Variants in KLHL1 observed in about 807,000 individuals in gnomAD.
KLHL1 encodes the protein kelch-like protein 1.
In KLHL1, 47 loss-of-function variants were observed where a neutral mutation model predicts 77.7. The ratio of observed to expected loss-of-function variants is 0.60; its 90% CI spans 0.48 to 0.77. The LOEUF (loss-of-function observed/expected upper bound fraction) is 0.77, where lower values mean the gene tolerates loss of function less well. KLHL1 is among the 30% of genes least tolerant of loss of function. The probability of loss-of-function intolerance (pLI) is 0.00; values close to 1 mark genes in which losing one functional copy is unlikely to be tolerated. For missense variants in KLHL1, 925 were observed against 910.8 expected (o/e 1.02, Z -0.20); for synonymous variants, 360 against 325.2 (o/e 1.11, Z -1.15).
intron 1 of KLHL1, among the ~76,000 whole-genome samples, chr13:70,031,477 G>C (rs1886098666): frequency 6.6e-6 from 1 of 152,190 alleles, no homozygotes; most frequent in African/African-American, 2.4e-5. Flanking sequence ...GTTAACTCAT[G>C]CTATGAAGTA....
At chr13:69,725,019 TG>T (rs1873233840) in intron 8 of KLHL1, among the ~76,000 whole-genome samples, 1 of 152,148 alleles carries the variant, frequency 6.6e-6, no homozygotes, top group Non-Finnish European at 1.5e-5. Context: ...GTGGTGGGTT[TG>T]TTTCACATCC....
intron 1 of KLHL1, among the ~76,000 whole-genome samples, chr13:70,013,487 T>G (rs993219505): frequency 6.6e-6 from 1 of 152,194 alleles, no homozygotes; most frequent in Admixed American, 6.5e-5. Context: ...AGTGTAACAG[T>G]AGGTTGTTTC....
intron 4 of KLHL1, among the ~76,000 whole-genome samples, chr13:69,921,721 G>A (rs1882644709): frequency 6.6e-6 from 1 of 151,870 alleles, no homozygotes; most frequent in Non-Finnish European, 1.5e-5. Flanking sequence ...TCAAATTTTA[G>A]TTGAGGCAGA....
intron 1 of KLHL1, among the ~76,000 whole-genome samples, chr13:70,025,914 A>G (rs1395757427): frequency 2.0e-5 from 3 of 152,114 alleles, no homozygotes; most frequent in Non-Finnish European, 2.9e-5. Flanking sequence ...GCTAGAGCTA[A>G]TAAAGCAGCA....
chr13:69,863,165 T>C (rs1174520830), intron 5 of KLHL1, among the ~76,000 whole-genome samples: 3 of 152,156 alleles, frequency 2.0e-5, no homozygotes, highest in East Asian at 3.9e-4. Flanking sequence ...TGTAGTTGTA[T>C]TGGCATTTTG....
chr13:69,831,697 C>T (rs1330241872), intron 6 of KLHL1, among the ~76,000 whole-genome samples: 1 of 149,978 alleles, frequency 6.7e-6, no homozygotes, highest in African/African-American at 2.5e-5. Context: ...CAAAAATCCT[C>T]CGCAAAATAC....
At chr13:69,749,223 T>C (rs1487053039) in intron 7 of KLHL1, among the ~76,000 whole-genome samples, 1 of 152,000 alleles carries the variant, frequency 6.6e-6, no homozygotes, top group Non-Finnish European at 1.5e-5. Flanking sequence ...ACTAAAAATA[T>C]CTTTATAGAT....
chr13:69,768,800 T>C (rs1875432473), intron 7 of KLHL1, among the ~76,000 whole-genome samples: 1 of 152,188 alleles, frequency 6.6e-6, no homozygotes, highest in African/African-American at 2.4e-5. Context: ...TTCTAGATCC[T>C]ACTCACTAAA....
intron 1 of KLHL1, among the ~76,000 whole-genome samples, chr13:70,016,257 G>A (rs1032775894): frequency 4.6e-5 from 7 of 152,230 alleles, no homozygotes; most frequent in African/African-American, 1.7e-4. Flanking sequence ...AGTGAGGGCT[G>A]TGTGCTCCAG....
intron 5 of KLHL1, among the ~76,000 whole-genome samples, chr13:69,874,309 A>T (rs1880687168): frequency 6.6e-6 from 1 of 151,576 alleles, no homozygotes; most frequent in Non-Finnish European, 1.5e-5. Flanking sequence ...CTCTATACTC[A>T]CTATTTTGGT....
chr13:69,981,366 G>A, intron 1 of KLHL1, among the ~76,000 whole-genome samples: 1 of 151,958 alleles, frequency 6.6e-6, no homozygotes, highest in Non-Finnish European at 1.5e-5. Flanking sequence ...AACGAAAACG[G>A]CAAAATAAAT....
At chr13:69,914,308 T>C (rs1262105264) in intron 4 of KLHL1, among the ~76,000 whole-genome samples, 2 of 152,190 alleles carry the variant, frequency 1.3e-5, no homozygotes, top group Non-Finnish European at 2.9e-5. Context: ...TACTCAACAA[T>C]AAAATTTCTA....
chr13:69,914,380 C>T (rs899114770), intron 4 of KLHL1, among the ~76,000 whole-genome samples: 5 of 152,000 alleles, frequency 3.3e-5, no homozygotes, highest in African/African-American at 1.2e-4. Context: ...TTCCATGGAT[C>T]CATTTGTCTC....
intron 1 of KLHL1, among the ~76,000 whole-genome samples, chr13:70,089,977 C>T (rs1286618322): frequency 6.6e-6 from 1 of 150,972 alleles, no homozygotes; most frequent in African/African-American, 2.5e-5. Context: ...CCCATAAACC[C>T]CATTCATATT....
At chr13:70,086,917 A>T (rs1397345768) in intron 1 of KLHL1, among the ~76,000 whole-genome samples, 1 of 152,172 alleles carries the variant, frequency 6.6e-6, no homozygotes, top group Non-Finnish European at 1.5e-5. Context: ...GCAAGAGATG[A>T]GAGTGGAGCC....
At chr13:70,098,779 G>A (rs890288130) in intron 1 of KLHL1, among the ~76,000 whole-genome samples, 1 of 151,564 alleles carries the variant, frequency 6.6e-6, no homozygotes, top group African/African-American at 2.4e-5. Flanking sequence ...ATATCTTAAT[G>A]TTCCTATATA....
intron 1 of KLHL1, among the ~76,000 whole-genome samples, chr13:70,043,251 AAAAT>A (rs1886420680): frequency 6.6e-6 from 1 of 152,172 alleles, no homozygotes; most frequent in Non-Finnish European, 1.5e-5. Context: ...AAAAAAAATA[AAAAT>A]AAAAATGAGA....
At chr13:69,874,874 T>A (rs907491644) in intron 5 of KLHL1, among the ~76,000 whole-genome samples, 3 of 152,120 alleles carry the variant, frequency 2.0e-5, no homozygotes, top group African/African-American at 7.2e-5. Flanking sequence ...ATAGGGATAT[T>A]AAGGTTTTAT....
chr13:69,827,228 G>T (rs1388824531), intron 6 of KLHL1, among the ~76,000 whole-genome samples: 2 of 151,396 alleles, frequency 1.3e-5, no homozygotes, highest in Non-Finnish European at 2.9e-5. Context: ...ATATAATAGA[G>T]CATATTTAAT....
Sources: allele counts gnomAD v4.1 joint callset (sites outside exome capture counted in the v4.1 genomes callset), GRCh38; gene constraint gnomAD v4.1.1; transcripts MANE v1.5; gene names NCBI Gene and HGNC (gene_info 2026-07-23, HGNC 2026-07-21).